XIRP2: variants seen among roughly 807,000 people sequenced by gnomAD.
XIRP2 encodes xin actin binding repeat containing 2.
XIRP2 carries 236 observed loss-of-function variants against 277.0 expected under a neutral mutation model. The observed-to-expected ratio is 0.85, with a 90% CI of 0.77 to 0.95. The LOEUF (loss-of-function observed/expected upper bound fraction) is 0.95. XIRP2 is among the 40% of genes least tolerant of loss of function. The pLI is 0.00. For synonymous variants in XIRP2, 1,490 were observed against 1,416.5 expected, an observed-to-expected ratio of 1.05 and a Z score of -1.17; for missense variants, 4,640 against 4,157.5, an observed-to-expected ratio of 1.12 and a Z score of -3.19.
chr2:167,118,418 G>T (rs1690956240), intron 2 of XIRP2, among the ~76,000 whole-genome samples: 1 of 151,598 alleles, frequency 6.6e-6, no homozygotes, highest in Non-Finnish European at 1.5e-5. Flanking sequence ...GGAGCTGGAG[G>T]TTGCAGTGAG....
chr2:166,935,412 TTTTG>T (rs1422429824), intron 2 of XIRP2, among the ~76,000 whole-genome samples: 5 of 152,108 alleles, frequency 3.3e-5, no homozygotes, highest in African/African-American at 1.2e-4. Flanking sequence ...TTACATTTGT[TTTTG>T]TTTTTGTTTT....
At chr2:167,024,304 A>G (rs962115072) in intron 2 of XIRP2, among the ~76,000 whole-genome samples, 46 of 152,066 alleles carry the variant, frequency 3.0e-4, no homozygotes, top group Middle Eastern at 3.4e-3. Context: ...CATTGATTTT[A>G]TATCCTGAGA....
intron 2 of XIRP2, among the ~76,000 whole-genome samples, chr2:167,081,376 G>A (rs1363222415): frequency 6.6e-6 from 1 of 152,174 alleles, no homozygotes; most frequent in Non-Finnish European, 1.5e-5. Context: ...GCAGAGGTGA[G>A]AGGATTACCT....
intron 2 of XIRP2, among the ~76,000 whole-genome samples, chr2:166,915,383 C>A (rs1007071967): frequency 1.3e-5 from 2 of 150,516 alleles, no homozygotes; most frequent in Admixed American, 6.6e-5. Flanking sequence ...ACACTTGCTT[C>A]AATTCATATT....
intron 2 of XIRP2, among the ~76,000 whole-genome samples, chr2:166,915,983 T>G (rs11884668): frequency 6.6e-6 from 1 of 152,022 alleles, no homozygotes; most frequent in Non-Finnish European, 1.5e-5. Context: ...ATTGCATAAT[T>G]GGAGGCATGG....
rs60956823 is a variant in XIRP2 at position 167,170,031 on chromosome 2, C to T, written c.562+33969C>T. ...CATTCATTTTATTGTGTGACATTAG[C>T]TGTAAGGAATTTTGTACCTGCTCTT... On this transcript the variant is annotated intron_variant, in intron 3 of 10. Coordinates refer to ENST00000409195, the MANE Select transcript of XIRP2 (RefSeq NM_152381.6). Among the ~76,000 whole-genome samples the T allele has an allele frequency of 5.8e-3, 876 of 152,186 alleles. 19 individuals are homozygous for T. The highest frequency in any genetic ancestry group is 0.04 in the Admixed American group (605 of 15,272).
intron 2 of XIRP2, among the ~76,000 whole-genome samples, chr2:166,949,106 G>T (rs1182285557): frequency 2.0e-5 from 3 of 151,918 alleles, no homozygotes; most frequent in Admixed American, 6.6e-5. Flanking sequence ...AGAGTCAAAT[G>T]AGAGTCAAAT....
At chr2:167,094,444 T>C (rs1170007167) in intron 2 of XIRP2, among the ~76,000 whole-genome samples, 1 of 152,214 alleles carries the variant, frequency 6.6e-6, no homozygotes, top group Non-Finnish European at 1.5e-5. Flanking sequence ...TTTTTATGGA[T>C]TTAGGTCTTA....
rs771808570 is a variant in XIRP2 at position 167,246,127 on chromosome 2, G to A, written c.4735G>A (p.Asp1579Asn). ...GIIIEADEIG[D>N]VRMAKYKLMN... is the part of the protein sequence containing the mutation. Reference sequence around the variant, plus strand: ...CATCATTGAAGCTGATGAAATAGGGGATGTTCGAATGGCAAAATACAAGCT... The same window carrying A: ...CATCATTGAAGCTGATGAAATAGGGAATGTTCGAATGGCAAAATACAAGCT... Residue 1579 changes from aspartate (D) to asparagine (N), a missense_variant, in exon 9 of 11, where the codon GAT (aspartate) becomes AAT (asparagine). Physicochemically the swap from Asp to Asn is conservative, Grantham distance 23 (BLOSUM62 1). Transcript: ENST00000409195. 4.3e-6 allele frequency: 7 copies of A among 1,613,248 alleles called. No homozygotes were observed. The highest frequency in any genetic ancestry group is 5.9e-6 in the Non-Finnish European group (7 of 1,179,738).
chr2:167,085,396 G>T (rs1441179672), intron 2 of XIRP2, among the ~76,000 whole-genome samples: 1 of 149,732 alleles, frequency 6.7e-6, no homozygotes, highest in Non-Finnish European at 1.5e-5. Context: ...GTGTGGTGTG[G>T]TGCTGAAAAA....
At chr2:167,007,696 C>CTT (rs1297410414) in intron 2 of XIRP2, among the ~76,000 whole-genome samples, 11 of 118,988 alleles carry the variant, frequency 9.2e-5, no homozygotes, top group African/African-American at 4.0e-4. Context: ...CTCTCTCTCT[C>CTT]TCTCTCTCAC....
chr2:166,944,540 G>T (rs921904230), intron 2 of XIRP2, among the ~76,000 whole-genome samples: 20 of 152,196 alleles, frequency 1.3e-4, no homozygotes, highest in African/African-American at 4.6e-4. Context: ...TGTCATAGCA[G>T]ATGAGAGCCC....
At chr2:167,018,020 C>T (rs985534866) in intron 2 of XIRP2, among the ~76,000 whole-genome samples, 2 of 152,046 alleles carry the variant, frequency 1.3e-5, no homozygotes, top group African/African-American at 4.8e-5. Flanking sequence ...GGAGACAAAA[C>T]CCTCTTTGTA....
At chr2:167,199,575 A>G (rs1693619116) in intron 3 of XIRP2, among the ~76,000 whole-genome samples, 1 of 152,188 alleles carries the variant, frequency 6.6e-6, no homozygotes, top group East Asian at 1.9e-4. Flanking sequence ...CACTGCTTTG[A>G]CCCAGAATTA....
At chr2:167,151,299 T>C (rs16853066) in intron 3 of XIRP2, among the ~76,000 whole-genome samples, 1 of 152,030 alleles carries the variant, frequency 6.6e-6, no homozygotes, top group East Asian at 1.9e-4. Context: ...TATTAATTAA[T>C]GGGCTGAATT....
chr2:167,226,772 G>A (rs1229480755), intron 5 of XIRP2, among the ~76,000 whole-genome samples: 1 of 152,060 alleles, frequency 6.6e-6, no homozygotes, highest in East Asian at 1.9e-4. Context: ...CTGTCTGTAG[G>A]TTCCCACATC....
chr2:167,229,862 A>C (rs893389393), intron 5 of XIRP2, among the ~76,000 whole-genome samples: 6 of 152,136 alleles, frequency 3.9e-5, no homozygotes, highest in Non-Finnish European at 4.4e-5. Flanking sequence ...ACAGATCTTA[A>C]CAACACAGAA....
Position 167,015,600 on chromosome 2 carries a change from C to T in XIRP2, c.408+111710C>T, listed in dbSNP as rs137945413. ...CAAAACTAGAATTGCAATATTACCA[C>T]TCCAAATCCTACTCTTTAAGCACTA... On this transcript the variant is annotated intron_variant, in intron 2 of 10. Coordinates refer to ENST00000409195, the MANE Select transcript of XIRP2 (RefSeq NM_152381.6). 2.3e-3 allele frequency among the ~76,000 whole-genome samples: 349 copies of T among 151,902 alleles called. 4 individuals are homozygous for T. Among genetic ancestry groups the T allele is most frequent in the African/African-American group, 7.8e-3 (322 of 41,500 alleles).
At chr2:166,997,797 C>T (rs535701749) in intron 2 of XIRP2, among the ~76,000 whole-genome samples, 2 of 151,436 alleles carry the variant, frequency 1.3e-5, no homozygotes, top group African/African-American at 2.4e-5. Flanking sequence ...CCCAGCTACT[C>T]GGGAGGCTGA....
Sources: gnomAD v4.1 joint callset for allele counts (sites outside exome capture counted in the v4.1 genomes callset) on GRCh38, gnomAD v4.1.1 for gene constraint, MANE v1.5 for transcripts, NCBI Gene and HGNC (gene_info 2026-07-23, HGNC 2026-07-21) for gene names.